The following SLC14A2 variants were observed in gnomAD, a reference collection of about 807,000 sequenced individuals.
SLC14A2 encodes the protein urea transporter 2.
SLC14A2 carries 91 observed loss-of-function variants against 104.6 expected under a neutral mutation model. The observed-to-expected ratio is 0.87, with a 90% CI of 0.73 to 1.04. The LOEUF (loss-of-function observed/expected upper bound fraction) is 1.04. Among genes scored for constraint, SLC14A2 ranks in the 50% least tolerant of loss-of-function variants. SLC14A2 has a pLI of 0.00. For missense variants in SLC14A2, 1,189 were observed against 1,156.0 expected, an observed-to-expected ratio of 1.03 and a Z score of -0.41; for synonymous variants, 476 against 466.4, an observed-to-expected ratio of 1.02 and a Z score of -0.27.
intron 10 of SLC14A2, among the ~76,000 whole-genome samples, chr18:45,659,248 C>G (rs2045893887): frequency 6.6e-6 from 1 of 152,230 alleles, no homozygotes; most frequent in African/African-American, 2.4e-5. Flanking sequence ...CCATAAACAT[C>G]ATCTGTTTAC....
chr18:45,233,398 T>A (rs887392792), intron 1 of SLC14A2, among the ~76,000 whole-genome samples: 1 of 152,236 alleles, frequency 6.6e-6, no homozygotes, highest in Non-Finnish European at 1.5e-5. Context: ...TGTGACTCTT[T>A]GACCCTGATG....
Position 45,673,858 on chromosome 18 carries a change from G to T in SLC14A2, c.2512+41G>T, listed in dbSNP as rs181855696. ...AGAGGATTTGTTTCCTTTATAAAAG[G>T]CTTTTTACATAAAACTGTTTTTTTA... is the stretch of plus-strand genomic sequence containing the variant. On this transcript the variant is annotated intron_variant, in intron 18 of 19. Coordinates refer to ENST00000255226, the MANE Select transcript of SLC14A2 (RefSeq NM_007163.4). 8.7e-4 allele frequency: 1,377 copies of T among 1,591,244 alleles called. 13 individuals are homozygous for T. The African/African-American group carries it at 0.017, about 20-fold the overall frequency.
intron 1 of SLC14A2, among the ~76,000 whole-genome samples, chr18:45,303,231 G>A (rs184358585): frequency 6.6e-6 from 1 of 152,158 alleles, no homozygotes; most frequent in Admixed American, 6.5e-5. Context: ...GAAACAGCTG[G>A]CTTGGTTACC....
chr18:45,511,634 G>C (rs542153216), intron 2 of SLC14A2, among the ~76,000 whole-genome samples: 6 of 152,306 alleles, frequency 3.9e-5, no homozygotes, highest in African/African-American at 7.2e-5. Flanking sequence ...CCATAACCAG[G>C]AAAAGCTTGC....
chr18:45,371,347 T>C (rs1008080999), intron 1 of SLC14A2, among the ~76,000 whole-genome samples: 1 of 152,210 alleles, frequency 6.6e-6, no homozygotes, highest in African/African-American at 2.4e-5. Flanking sequence ...ATAGGCCCTG[T>C]CCTGTAACTC....
intron 1 of SLC14A2, among the ~76,000 whole-genome samples, chr18:45,275,658 A>G (rs1473637359): frequency 2.6e-5 from 4 of 152,236 alleles, no homozygotes; most frequent in African/African-American, 9.6e-5. Flanking sequence ...AAGGTGCTCC[A>G]AAAAAGTGAC....
intron 1 of SLC14A2, among the ~76,000 whole-genome samples, chr18:45,299,283 T>A (rs898799171): frequency 1.3e-5 from 2 of 152,238 alleles, no homozygotes; most frequent in African/African-American, 4.8e-5. Context: ...TCTAATGTTC[T>A]ATGTAAAGAC....
At chr18:45,494,363 T>G (rs1014399285) in intron 2 of SLC14A2, among the ~76,000 whole-genome samples, 1 of 152,198 alleles carries the variant, frequency 6.6e-6, no homozygotes, top group Non-Finnish European at 1.5e-5. Context: ...TCTTCTCTGT[T>G]ATCAGCAACA....
intron 1 of SLC14A2, among the ~76,000 whole-genome samples, chr18:45,250,259 T>C: frequency 6.6e-6 from 1 of 152,212 alleles, no homozygotes; most frequent in Non-Finnish European, 1.5e-5. Flanking sequence ...AGGTCCAGTT[T>C]GACTTTTTGG....
chr18:45,491,753 G>A (rs1481933208), intron 2 of SLC14A2, among the ~76,000 whole-genome samples: 1 of 152,164 alleles, frequency 6.6e-6, no homozygotes, highest in Non-Finnish European at 1.5e-5. Flanking sequence ...TTACTTGGCT[G>A]TGGATGTCTG....
chr18:45,542,025 A>AAGAGAGAG (rs1465121277), intron 2 of SLC14A2, among the ~76,000 whole-genome samples: 1 of 135,850 alleles, frequency 7.4e-6, no homozygotes, highest in Non-Finnish European at 1.6e-5. Flanking sequence ...TGTTAGATGA[A>AAGAGAGAG]AGAGAGAGGG....
At chr18:45,236,211 ATG>A (rs1389511542) in intron 1 of SLC14A2, among the ~76,000 whole-genome samples, 4 of 52,954 alleles carry the variant, frequency 7.6e-5, no homozygotes, top group South Asian at 5.9e-4. Context: ...ATATACATAT[ATG>A]TGTGTATATA....
intron 1 of SLC14A2, among the ~76,000 whole-genome samples, chr18:45,432,208 C>CACGGAACCCTCCCCGT (rs1338513418): frequency 6.6e-6 from 1 of 152,120 alleles, no homozygotes; most frequent in African/African-American, 2.4e-5. Context: ...ACACTCCCAG[C>CACGGAACCCTCCCCGT]ACGGAACCCT....
the SLC14A2 span, among the ~76,000 whole-genome samples, chr18:45,195,073 C>A: frequency 6.6e-6 from 1 of 152,184 alleles, no homozygotes; most frequent in Admixed American, 6.5e-5. Context: ...GTTTTTCTTG[C>A]AGTCCTCTCC....
chr18:45,368,199 T>C (rs2085685726), intron 1 of SLC14A2, among the ~76,000 whole-genome samples: 1 of 152,204 alleles, frequency 6.6e-6, no homozygotes, highest in Non-Finnish European at 1.5e-5. Flanking sequence ...GCAGTGCTTA[T>C]GAGCCAGGCC....
At chr18:45,397,936 T>TATAA (rs34030553) in intron 1 of SLC14A2, among the ~76,000 whole-genome samples, 8 of 150,934 alleles carry the variant, frequency 5.3e-5, no homozygotes, top group South Asian at 2.1e-4. Flanking sequence ...GTGATTATGA[T>TATAA]ATAAATAAAT....
intron 1 of SLC14A2, among the ~76,000 whole-genome samples, chr18:45,238,948 T>G (rs1029474887): frequency 2.0e-5 from 3 of 152,166 alleles, no homozygotes; most frequent in African/African-American, 7.2e-5. Flanking sequence ...AAGCATTAAC[T>G]ACACTATCAG....
intron 1 of SLC14A2, among the ~76,000 whole-genome samples, chr18:45,385,354 G>T (rs1032535129): frequency 1.3e-5 from 2 of 152,218 alleles, no homozygotes; most frequent in African/African-American, 4.8e-5. Context: ...TCCACAGCAA[G>T]GTGTTTCCCT....
intron 2 of SLC14A2, among the ~76,000 whole-genome samples, chr18:45,569,658 G>A (rs1568280306): frequency 2.0e-5 from 3 of 152,228 alleles, no homozygotes; most frequent in Admixed American, 6.5e-5. Flanking sequence ...TGTAGTGACA[G>A]TGGACCTGAT....
Sources: allele counts gnomAD v4.1 joint callset (sites outside exome capture counted in the v4.1 genomes callset), GRCh38; gene constraint gnomAD v4.1.1; transcripts MANE v1.5; gene names NCBI Gene and HGNC (gene_info 2026-07-23, HGNC 2026-07-21).